The following SUZ12 variants were observed in gnomAD, a reference collection of about 807,000 sequenced individuals.
SUZ12 encodes the protein polycomb protein SUZ12.
Under a neutral mutation model 87.3 loss-of-function variants are expected in SUZ12, and 17 were observed. The observed-to-expected ratio is 0.19, with a 90% CI of 0.13 to 0.29. SUZ12 has a LOEUF of 0.29. SUZ12 is among the 10% of genes least tolerant of loss of function. SUZ12 has a pLI of 1.00. For synonymous variants in SUZ12, 253 were observed against 312.4 expected, an observed-to-expected ratio of 0.81 and a Z score of 2.01; for missense variants, 526 against 912.2, an observed-to-expected ratio of 0.58 and a Z score of 5.45.
At chr17:31,955,206 A>G (rs2059439078) in intron 4 of SUZ12, among the ~76,000 whole-genome samples, 1 of 152,088 alleles carries the variant, frequency 6.6e-6, no homozygotes, top group Non-Finnish European at 1.5e-5. Flanking sequence ...GGGCTCAAGT[A>G]ACCCTCCTGC....
At chr17:31,970,059 A>G (rs1452163735) in intron 5 of SUZ12, among the ~76,000 whole-genome samples, 4 of 152,184 alleles carry the variant, frequency 2.6e-5, no homozygotes, top group Non-Finnish European at 5.9e-5. Flanking sequence ...CTAGGATTAC[A>G]GGCATGAGCC....
rs548845540 is a variant in SUZ12 at position 31,999,565 on chromosome 17, T to C, written c.*562T>C. 1 of 231,326 alleles carries C rather than the reference T, an allele frequency of 4.3e-6. No individual in the cohort carries two copies. The highest frequency in any genetic ancestry group is 2.2e-5 in the African/African-American group (1 of 45,404). The allele number at this position is 231,326 out of a possible 1,614,324, so 14.3% of individuals were successfully genotyped here. On this transcript the variant is annotated 3_prime_UTR_variant, in exon 16 of 16. Transcript: ENST00000322652. ...GTCAATTCGGAATGAAAAATTATAA[T>C]GTAATTTTACATTACATAAGTTCCT...
chr17:31,992,587 T>TTTTTAGTA (rs1453482804), intron 10 of SUZ12, among the ~76,000 whole-genome samples: 2 of 151,950 alleles, frequency 1.3e-5, no homozygotes, highest in Non-Finnish European at 2.9e-5. Context: ...TTTTTTTGTA[T>TTTTTAGTA]TTTTAGTAGA....
intron 4 of SUZ12, among the ~76,000 whole-genome samples, chr17:31,950,681 C>T (rs1906914409): frequency 6.6e-6 from 1 of 150,548 alleles, no homozygotes; most frequent in Non-Finnish European, 1.5e-5. Context: ...GACTCTGTCT[C>T]AAAAAAAGAA....
At position 31,973,646 on chromosome 17, in the gene SUZ12, G is replaced by A. The variant is rs533694815; in HGVS notation, c.591+415G>A. On this transcript the variant is annotated intron_variant, in intron 6 of 15. Coordinates refer to ENST00000322652, the MANE Select transcript of SUZ12 (RefSeq NM_015355.4). ...CAGGCAAAGAAATTTTGTTGTCAGC[G>A]TTATTAGCCATTCACTTATTAGTAC... 7.1e-3 allele frequency among the ~76,000 whole-genome samples: 1,075 copies of A among 152,244 alleles called. 12 individuals are homozygous for A. Among genetic ancestry groups the A allele is most frequent in the African/African-American group, 0.023 (957 of 41,556 alleles).
chr17:31,960,788 A>G (rs543631298), intron 4 of SUZ12, among the ~76,000 whole-genome samples: 7 of 152,222 alleles, frequency 4.6e-5, no homozygotes, highest in African/African-American at 1.7e-4. Flanking sequence ...CATGTTGGCC[A>G]GGCTGGTCTC....
At chr17:31,967,117 T>C (rs555629) in intron 5 of SUZ12, 16,151 of 151,722 alleles carry the variant, frequency 0.11, 1,061 homozygotes, top group Middle Eastern at 0.15. Context: ...AAGAATCACT[T>C]GAACCTGAGA....
chr17:31,941,919 A>G (rs1228407597), intron 3 of SUZ12, among the ~76,000 whole-genome samples: 2 of 149,522 alleles, frequency 1.3e-5, no homozygotes, highest in Non-Finnish European at 3.0e-5. Context: ...GTGGTGCGAT[A>G]TCGGCTCACT....
At chr17:31,961,046 A>G (rs1055610467) in intron 4 of SUZ12, among the ~76,000 whole-genome samples, 1 of 151,652 alleles carries the variant, frequency 6.6e-6, no homozygotes, top group Non-Finnish European at 1.5e-5. Flanking sequence ...ACCTCTCTCC[A>G]CTAAAAAATA....
chr17:32,000,183 C>T lies in SUZ12; in HGVS notation c.*1180C>T. ...AACATCACCTCAATTTTTTATTATC[C>T]TTAAAGATATTGCATTTTCATATTC... On this transcript the variant is annotated 3_prime_UTR_variant, in exon 16 of 16. Transcript: ENST00000322652. 4.3e-6 allele frequency: 1 copy of T among 233,164 alleles called. No individual in the cohort carries two copies. Among genetic ancestry groups the T allele is most frequent in the East Asian group, 6.1e-5 (1 of 16,466 alleles). The allele number at this position is 233,164 out of a possible 1,614,324, so 14.4% of individuals were successfully genotyped here.
At chr17:31,981,337 C>G (rs1481546222) in intron 8 of SUZ12, among the ~76,000 whole-genome samples, 1 of 152,128 alleles carries the variant, frequency 6.6e-6, no homozygotes, top group Non-Finnish European at 1.5e-5. Flanking sequence ...GGTTCTTAAA[C>G]AATTAAAACG....
chr17:31,978,116 T>A (rs1221290489), intron 8 of SUZ12, among the ~76,000 whole-genome samples: 6 of 152,182 alleles, frequency 3.9e-5, no homozygotes, highest in Non-Finnish European at 8.8e-5. Context: ...TGTACCAGGC[T>A]GCGTGCTGGT....
At chr17:31,989,240 T>G (rs760386968) in intron 10 of SUZ12, among the ~76,000 whole-genome samples, 13 of 152,080 alleles carry the variant, frequency 8.5e-5, no homozygotes, top group Non-Finnish European at 4.4e-5. Context: ...GATTAGCCTT[T>G]CAGAATATTA....
chr17:31,988,572 T>C (rs1909534353), intron 10 of SUZ12, 75 bp downstream of exon 10: 9 of 1,394,542 alleles, frequency 6.5e-6, no homozygotes. Context: ...ATTAATTCAT[T>C]TGTGTTTTGC....
At chr17:31,986,413 A>C (rs1368126501) in intron 9 of SUZ12, among the ~76,000 whole-genome samples, 2 of 152,146 alleles carry the variant, frequency 1.3e-5, no homozygotes, top group African/African-American at 4.8e-5. Context: ...GATTTTTTTT[A>C]ATCTTGTCAA....
rs539728386 is a variant in SUZ12 at position 31,998,056 on chromosome 17, A to AGT, written c.1875-600_1875-599dup. 2.9e-4 allele frequency among the ~76,000 whole-genome samples: 44 copies of AGT among 151,580 alleles called. No homozygotes were observed. The South Asian group carries it at 6.9e-3, about 24-fold the overall frequency. ...AATTCAAGACCAACCTGGGCAACAC[A>AGT]GTGAAACCTTGTCTCTACTAAATTT... On this transcript the variant is annotated intron_variant, in intron 15 of 15. Coordinates refer to ENST00000322652, the MANE Select transcript of SUZ12 (RefSeq NM_015355.4).
At chr17:31,980,037 G>GAA (rs1004430969) in intron 8 of SUZ12, among the ~76,000 whole-genome samples, 1 of 151,294 alleles carries the variant, frequency 6.6e-6, no homozygotes, top group East Asian at 1.9e-4. Context: ...GAGAGAGAGA[G>GAA]AAACAGGCAG....
rs1310816035 is a variant in SUZ12 at position 31,972,510 on chromosome 17, T to C, written c.506-636T>C. ...TCACTGCAGCCTTGAACTCCTTGGCTCAAGAGATCCTTCCACCTAGCCTCT... is the reference window on the plus strand; with the variant it reads ...TCACTGCAGCCTTGAACTCCTTGGCCCAAGAGATCCTTCCACCTAGCCTCT... On this transcript the variant is annotated intron_variant, in intron 5 of 15. Coordinates refer to ENST00000322652, the MANE Select transcript of SUZ12 (RefSeq NM_015355.4). Among the ~76,000 whole-genome samples, 9 of 151,772 alleles carry C rather than the reference T, an allele frequency of 5.9e-5. No homozygotes were observed. The East Asian group carries it at 9.7e-4, about 16-fold the overall frequency.
chr17:31,943,558 T>C (rs147128115), intron 3 of SUZ12, among the ~76,000 whole-genome samples: 8 of 152,334 alleles, frequency 5.3e-5, no homozygotes, highest in African/African-American at 9.6e-5. Flanking sequence ...AATCGATTGC[T>C]AATGTTTATC....
Sources: allele counts gnomAD v4.1 joint callset (sites outside exome capture counted in the v4.1 genomes callset), GRCh38; gene constraint gnomAD v4.1.1; transcripts MANE v1.5; gene names NCBI Gene and HGNC (gene_info 2026-07-23, HGNC 2026-07-21).